Variants in TAF5 observed in about 807,000 individuals in gnomAD.
TAF5 encodes transcription initiation factor TFIID subunit 5.
A neutral mutation model predicts 80.9 loss-of-function variants in TAF5; 20 were observed. The observed-to-expected ratio is 0.25, with a 90% CI of 0.17 to 0.36. TAF5 has a LOEUF of 0.36. TAF5 is among the 10% of genes least tolerant of loss of function. The pLI is 1.00. For missense variants in TAF5, 863 were observed against 1,029.4 expected (o/e 0.84, Z 2.21); for synonymous variants, 388 against 406.4 (o/e 0.95, Z 0.55).
chr10:103,368,487 T>C lies in TAF5; in HGVS notation c.498T>C (p.Thr166=). The C allele has an allele frequency of 4.4e-6, 7 of 1,575,672 alleles. No homozygotes were observed. Among genetic ancestry groups the C allele is most frequent in the Non-Finnish European group, 5.1e-6 (6 of 1,170,314 alleles). The change falls in exon 1 of 11, where the codon ACT becomes ACC. Residue 166 remains threonine, a synonymous_variant. Transcript: ENST00000369839. ...CTGCGGCCCCCGACCCTCCGGGCAC[T>C]GGCGCTTCGGGGGCCACGGTCGTCT... is the stretch of plus-strand genomic sequence containing the variant. ...PGPAAPDPPG[T]GASGATVVSG...
At chr10:103,383,156 C>T (rs2093387017) in intron 6 of TAF5, 82 bp from the exon 7 acceptor site, 1 of 1,301,292 alleles carries the variant, frequency 7.7e-7, no homozygotes. Context: ...AATGTTAATT[C>T]CTCTCCTGCA....
intron 9 of TAF5, 71 bp downstream of exon 9, chr10:103,387,423 CACAT>C: frequency 6.5e-7 from 1 of 1,549,866 alleles, no homozygotes; most frequent in East Asian, 2.3e-5. Context: ...AAACAAGTGA[CACAT>C]AAATTTTAAA....
chr10:103,368,392 G>C lies in TAF5; in HGVS notation c.403G>C (p.Glu135Gln), dbSNP rs2093350486. ...AGTGGCGGGCTCCGGAGCCCCGGGA[G>C]AGGTGGACAGCGCCGGCGCTGAGGT... The part of the protein sequence containing the change: ...EAVAGSGAPG[E>Q]VDSAGAEVTS... Residue 135 changes from glutamate (E) to glutamine (Q), a missense_variant, in exon 1 of 11, where the codon GAG (glutamate) becomes CAG (glutamine). This residue lies in a region of TAF5 where 367 missense variants were observed against 335.5 expected (regional missense o/e 1.09). Transcript: ENST00000369839. The C allele has an allele frequency of 1.3e-6, 2 of 1,564,270 alleles. No homozygotes were observed. The highest frequency in any genetic ancestry group is 2.3e-5 in the South Asian group (2 of 86,780).
Position 103,373,542 on chromosome 10 carries a change from C to T in TAF5, c.744C>T (p.Tyr248=), listed in dbSNP as rs945523995. 1.2e-6 allele frequency: 2 copies of T among 1,614,132 alleles called. No individual in the cohort carries two copies. Among genetic ancestry groups the T allele is most frequent in the Non-Finnish European group, 8.5e-7 (1 of 1,180,040 alleles). ...TTTATCCTCTGTTTGTGCACATGTA[C>T]TTGGAGCTAGTCTACAATCAACATG... is the stretch of plus-strand genomic sequence containing the variant. ...QLFYPLFVHM[Y]LELVYNQHEN... Residue 248 remains tyrosine, a synonymous_variant, in exon 2 of 11, where the codon TAC becomes TAT. Transcript: ENST00000369839.
chr10:103,373,099 A>G (rs2093363251), intron 1 of TAF5, among the ~76,000 whole-genome samples: 1 of 151,742 alleles, frequency 6.6e-6, no homozygotes, highest in Non-Finnish European at 1.5e-5. Context: ...GCTACTTGGG[A>G]GGCCGAGGCA....
At chr10:103,387,874 G>A (rs773017486) in intron 10 of TAF5, 132 bp from the exon 11 acceptor site, 6 of 1,085,444 alleles carry the variant, frequency 5.5e-6, no homozygotes, top group African/African-American at 1.6e-5. Context: ...TGCTCCTTAG[G>A]AAGGAATAGA....
At chr10:103,369,679 A>G (rs376547224) in intron 1 of TAF5, among the ~76,000 whole-genome samples, 39 of 152,224 alleles carry the variant, frequency 2.6e-4, no homozygotes, top group African/African-American at 8.2e-4. Context: ...TTAAAAATAT[A>G]TATGGGCTGA....
intron 2 of TAF5, among the ~76,000 whole-genome samples, chr10:103,376,125 CTT>C (rs770905722): frequency 4.7e-5 from 7 of 149,912 alleles, no homozygotes; most frequent in South Asian, 2.1e-4. Context: ...GAGTTTTGCT[CTT>C]GTCACCCAGG....
At position 103,368,029 on chromosome 10, in the gene TAF5, A is replaced by G; in HGVS notation, c.40A>G (p.Lys14Glu). Residue 14 changes from lysine to glutamate, a missense_variant, in exon 1 of 11, where the codon AAG becomes GAG. Physicochemically the swap from Lys to Glu is moderately conservative, Grantham distance 56. Transcript: ENST00000369839. Reference sequence around the variant, plus strand: ...GGAGGAGCAGACGGAGGTGGCGGTCAAGCTAGAGCCTGAGGGACCGCCAAC... The same window carrying G: ...GGAGGAGCAGACGGAGGTGGCGGTCGAGCTAGAGCCTGAGGGACCGCCAAC... ...LAEEQTEVAV[K>E]LEPEGPPTLL... 9 of 1,466,556 alleles carry G rather than the reference A, an allele frequency of 6.1e-6. No homozygotes were observed. Among genetic ancestry groups the G allele is most frequent in the Non-Finnish European group, 8.1e-6 (9 of 1,114,526 alleles). The allele number at this position is 1,466,556 out of a possible 1,614,324, so 90.8% of individuals were successfully genotyped here. A position where few individuals can be genotyped will look rare whatever the true frequency, so the allele number is the denominator to read the frequency against.
Position 103,388,632 on chromosome 10 carries a change from G to A in TAF5, c.*409G>A, listed in dbSNP as rs1198036390. ...TCCTATGAGCATGTATGTTTCTGCT[G>A]TAAAAACGTAGTTACTGTATGGCAC... is the stretch of plus-strand genomic sequence containing the variant. On this transcript the variant is annotated 3_prime_UTR_variant, in exon 11 of 11. Transcript: ENST00000369839. The A allele has an allele frequency of 6.2e-6, 1 of 160,774 alleles. No homozygotes were observed. Among genetic ancestry groups the A allele is most frequent in the Non-Finnish European group, 1.4e-5 (1 of 73,260 alleles). 10.0% of individuals were successfully genotyped at this position (160,774 alleles called of 1,614,324 possible).
chr10:103,380,275 C>T (rs1357838475), intron 5 of TAF5, among the ~76,000 whole-genome samples: 1 of 152,106 alleles, frequency 6.6e-6, no homozygotes, highest in Non-Finnish European at 1.5e-5. Context: ...ACTACAGGCG[C>T]ATACCGCCAT....
intron 2 of TAF5, among the ~76,000 whole-genome samples, chr10:103,375,645 A>G (rs1290028648): frequency 6.6e-6 from 1 of 152,088 alleles, no homozygotes; most frequent in Non-Finnish European, 1.5e-5. Flanking sequence ...AGAGTATGAA[A>G]TAAGTCAGTC....
Position 103,385,479 on chromosome 10 carries a change from C to T in TAF5, c.1818C>T (p.Asp606=), listed in dbSNP as rs764221694. The T allele has an allele frequency of 3.1e-6, 5 of 1,613,810 alleles. No homozygotes were observed. Among genetic ancestry groups the T allele is most frequent in the Non-Finnish European group, 4.2e-6 (5 of 1,179,988 alleles). Residue 606 remains aspartate, a synonymous_variant, in exon 8 of 11, where the codon GAC becomes GAT. Transcript: ENST00000369839. ...ATTATTTTGTGTCAGGGGGCCATGA[C>T]CGAGTAGCTCGGTAAGAACACTGTG... The part of the protein sequence containing the change: ...YGYYFVSGGH[D]RVARLWATDH...
chr10:103,380,961 A>C (rs2093381461), intron 5 of TAF5, among the ~76,000 whole-genome samples: 1 of 149,626 alleles, frequency 6.7e-6, no homozygotes, highest in African/African-American at 2.5e-5. Flanking sequence ...ATTTAATTTC[A>C]TTTTTTGAGA....
chr10:103,384,225 A>G (rs1391375421), intron 7 of TAF5, among the ~76,000 whole-genome samples: 2 of 152,228 alleles, frequency 1.3e-5, no homozygotes, highest in African/African-American at 2.4e-5. Context: ...TATGATTACA[A>G]TGTCATCCTA....
At chr10:103,381,553 C>A (rs1368758995) in intron 5 of TAF5, among the ~76,000 whole-genome samples, 168 bp from the exon 6 acceptor site, 1 of 152,184 alleles carries the variant, frequency 6.6e-6, no homozygotes, top group Non-Finnish European at 1.5e-5. Flanking sequence ...AGGCATGAGC[C>A]AGTGCGCTTG....
intron 1 of TAF5, among the ~76,000 whole-genome samples, chr10:103,370,978 C>T (rs942785954): frequency 2.0e-5 from 3 of 152,084 alleles, no homozygotes; most frequent in Admixed American, 6.5e-5. Context: ...CGGTGGCTCA[C>T]GCCTGTAGTC....
intron 1 of TAF5, among the ~76,000 whole-genome samples, chr10:103,368,982 A>ATTT (rs34262432): frequency 2.1e-5 from 3 of 146,154 alleles, no homozygotes; most frequent in Non-Finnish European, 3.0e-5. Flanking sequence ...TACTTTATAG[A>ATTT]TTTTTTTTTT....
In TAF5 at chr10:103,379,756, C is replaced by G; in HGVS notation, c.1262C>G (p.Ala421Gly). The change falls in exon 4 of 11, where the codon GCT becomes GGT. Residue 421 changes from alanine to glycine, a missense_variant. Physicochemically the swap from Ala to Gly is moderately conservative, Grantham distance 60 (BLOSUM62 0). Transcript: ENST00000369839. ...AAAAGCAAAAAACAAGATCCCAATG[C>G]TCCACCTCAGAACAGGTGAGGAAAA... is the stretch of plus-strand genomic sequence containing the variant. ...GSKSKKQDPNAPPQNRIPLPE... is the reference protein window; with the variant it reads ...GSKSKKQDPNGPPQNRIPLPE... 3.8e-6 allele frequency: 6 copies of G among 1,599,616 alleles called. No homozygotes were observed. The highest frequency in any genetic ancestry group is 5.1e-6 in the Non-Finnish European group (6 of 1,176,772).
Sources: gnomAD v4.1 joint callset for allele counts (sites outside exome capture counted in the v4.1 genomes callset) on GRCh38, gnomAD v4.1.1 for gene constraint, gnomAD v4.1.1 regional missense constraint, MANE v1.5 for transcripts, NCBI Gene and HGNC (gene_info 2026-07-23, HGNC 2026-07-21) for gene names.